Variants in LRRIQ3 observed in about 807,000 individuals in gnomAD.
LRRIQ3 encodes the protein leucine-rich repeat and IQ domain-containing protein 3.
In LRRIQ3, 75 loss-of-function variants were observed where a neutral mutation model predicts 59.3. The observed-to-expected ratio is 1.26, with a 90% CI of 1.05 to 1.53. LRRIQ3 has a LOEUF of 1.53. Ranked by LOEUF, LRRIQ3 falls within the 40% of genes most tolerant of loss-of-function variation. The pLI, the probability that LRRIQ3 is intolerant of heterozygous loss-of-function variation, is 0.00. For missense variants in LRRIQ3, 831 were observed against 710.0 expected, an observed-to-expected ratio of 1.17 and a Z score of -1.94; for synonymous variants, 250 against 231.3, an observed-to-expected ratio of 1.08 and a Z score of -0.73.
chr1:74,088,399 A>C (rs1185760019), intron 5 of LRRIQ3, among the ~76,000 whole-genome samples: 4 of 152,094 alleles, frequency 2.6e-5, no homozygotes, highest in Non-Finnish European at 4.4e-5. Context: ...AAGATTCTTA[A>C]GATTTTTTGT....
Position 74,037,629 on chromosome 1 carries a change from TCAAAA to T in LRRIQ3, c.1718+3579_1718+3583del, listed in dbSNP as rs1332825677. 1.9e-4 allele frequency among the ~76,000 whole-genome samples: 29 copies of T among 151,928 alleles called. No homozygotes were observed. The East Asian group carries it at 5.4e-3, about 28-fold the overall frequency. ...TGGGCAACAAGAGTGAAACTGTGTC[TCAAAA>T]CAAAACAAAACAAAAAACAAACAAA... On this transcript the variant is annotated intron_variant, in intron 7 of 7. Transcript: ENST00000354431.
intron 7 of LRRIQ3, among the ~76,000 whole-genome samples, chr1:74,038,430 C>G (rs561406555): frequency 1.3e-5 from 2 of 152,164 alleles, no homozygotes; most frequent in Non-Finnish European, 2.9e-5. Flanking sequence ...GGTTTCCCCC[C>G]CAGCAAAACA....
intron 4 of LRRIQ3, among the ~76,000 whole-genome samples, chr1:74,114,036 C>A (rs1049252334): frequency 2.0e-5 from 3 of 150,992 alleles, no homozygotes; most frequent in Non-Finnish European, 4.4e-5. Flanking sequence ...TATATATATA[C>A]ACATATATAT....
chr1:74,034,637 C>CAG (rs1003324446), intron 7 of LRRIQ3, among the ~76,000 whole-genome samples: 2 of 7,752 alleles, frequency 2.6e-4, no homozygotes, highest in African/African-American at 3.1e-4. Flanking sequence ...CACACACAGA[C>CAG]ACACACACAC....
At chr1:74,068,007 C>T (rs530581174) in intron 6 of LRRIQ3, among the ~76,000 whole-genome samples, 1 of 152,086 alleles carries the variant, frequency 6.6e-6, no homozygotes, top group South Asian at 2.1e-4. Context: ...ATCAATATTC[C>T]GTCTTCCAGC....
At chr1:74,124,316 G>T (rs1218350944) in intron 4 of LRRIQ3, among the ~76,000 whole-genome samples, 1 of 151,820 alleles carries the variant, frequency 6.6e-6, no homozygotes, top group African/African-American at 2.4e-5. Context: ...TCTGCAGGTT[G>T]TCTCTTCATT....
chr1:74,053,196 A>C (rs1437888122), intron 6 of LRRIQ3, among the ~76,000 whole-genome samples: 1 of 145,988 alleles, frequency 6.8e-6, no homozygotes, highest in Non-Finnish European at 1.5e-5. Context: ...AAAAAAAAAC[A>C]AATTAATCTA....
At chr1:74,110,174 T>C (rs1646675194) in intron 4 of LRRIQ3, among the ~76,000 whole-genome samples, 1 of 151,758 alleles carries the variant, frequency 6.6e-6, no homozygotes, top group African/African-American at 2.4e-5. Context: ...TACTCAATGG[T>C]CAAAAACTAC....
chr1:74,154,193 A>C (rs1033387449), intron 4 of LRRIQ3, among the ~76,000 whole-genome samples: 2 of 130,902 alleles, frequency 1.5e-5, no homozygotes, highest in Non-Finnish European at 3.1e-5. Context: ...GCGAGCCGAG[A>C]TCGCGCCACT....
chr1:74,081,195 A>C (rs1366051300), intron 5 of LRRIQ3, among the ~76,000 whole-genome samples: 1 of 151,608 alleles, frequency 6.6e-6, no homozygotes, highest in Non-Finnish European at 1.5e-5. Flanking sequence ...AGCCTGGATA[A>C]ATAAACACAG....
chr1:74,193,364 T>C (rs1650893586), intron 1 of LRRIQ3, among the ~76,000 whole-genome samples: 1 of 152,146 alleles, frequency 6.6e-6, no homozygotes, highest in South Asian at 2.1e-4. Context: ...CCTTAGTTTG[T>C]ATCAACTAAA....
chr1:74,132,174 A>G (rs538670173), intron 4 of LRRIQ3, among the ~76,000 whole-genome samples: 202 of 152,308 alleles, frequency 1.3e-3, no homozygotes, highest in African/African-American at 4.6e-3. Context: ...AAGGGATGTG[A>G]AGGACCTCTT....
chr1:74,197,337 T>C (rs1229767051), intron 1 of LRRIQ3, among the ~76,000 whole-genome samples: 1 of 152,212 alleles, frequency 6.6e-6, no homozygotes, highest in African/African-American at 2.4e-5. Flanking sequence ...GGGATTGAAA[T>C]ATATTTCTTA....
At chr1:74,089,270 T>C (rs941368819) in intron 5 of LRRIQ3, among the ~76,000 whole-genome samples, 4 of 152,074 alleles carry the variant, frequency 2.6e-5, no homozygotes, top group African/African-American at 9.7e-5. Context: ...AAAAGTCAAG[T>C]GTAGAATTAC....
chr1:74,026,132 T>C lies in LRRIQ3; in HGVS notation c.*681A>G, dbSNP rs1007128038. ...ATTTTATGATTCCAATATATAATTA[T>C]ATGGGTTGTCTCTTGCTTCTCTCCT... On this transcript the variant is annotated 3_prime_UTR_variant, in exon 8 of 8. Coordinates refer to ENST00000354431, the MANE Select transcript of LRRIQ3 (RefSeq NM_001105659.2). 2 of 152,014 alleles carry C rather than the reference T, an allele frequency of 1.3e-5. No individual in the cohort carries two copies. Among genetic ancestry groups the C allele is most frequent in the African/African-American group, 2.4e-5 (1 of 41,430 alleles). 9.4% of individuals were successfully genotyped at this position (152,014 alleles called of 1,614,324 possible).
rs1404886871 is a variant in LRRIQ3 at position 74,155,732 on chromosome 1, C to T, written c.707+1G>A. 2 of 1,566,736 alleles carry T rather than the reference C, an allele frequency of 1.3e-6. No homozygotes were observed. The highest frequency in any genetic ancestry group is 1.2e-5 in the South Asian group (1 of 81,140). On this transcript the variant is annotated splice_donor_variant, in intron 4 of 7. Transcript: ENST00000354431. LOFTEE classifies it high-confidence loss of function. The stretch of plus-strand genomic sequence containing the variant: ...CAAATGGTAAAGAAAACAAAACATA[C>T]CTCAAATTTTTTCTAACTAAGAAAC...
At chr1:74,155,645 A>C (rs531593541) in intron 4 of LRRIQ3, 88 bp downstream of exon 4, 2 of 1,290,470 alleles carry the variant, frequency 1.5e-6, no homozygotes. Flanking sequence ...GAATACAAAA[A>C]TGCAAATTAT....
chr1:74,045,347 C>G (rs567769830), intron 6 of LRRIQ3, among the ~76,000 whole-genome samples: 3 of 152,222 alleles, frequency 2.0e-5, no homozygotes, highest in African/African-American at 7.2e-5. Flanking sequence ...ATAAACGGAA[C>G]CAGTGATAAA....
chr1:74,089,295 A>T (rs573796096), intron 5 of LRRIQ3, among the ~76,000 whole-genome samples: 179 of 152,166 alleles, frequency 1.2e-3, no homozygotes, highest in African/African-American at 4.2e-3. Flanking sequence ...TCATCCAGTA[A>T]TTTCACTTTT....
Sources: allele counts gnomAD v4.1 joint callset (sites outside exome capture counted in the v4.1 genomes callset), GRCh38; gene constraint gnomAD v4.1.1; transcripts MANE v1.5; gene names NCBI Gene and HGNC (gene_info 2026-07-23, HGNC 2026-07-21).